Variants in TENM3 observed in about 807,000 individuals in gnomAD.
TENM3 encodes the protein teneurin-3.
TENM3 carries 63 observed loss-of-function variants against 255.1 expected under a neutral mutation model. That is an observed-to-expected ratio of 0.25 (90% CI 0.20 to 0.30). TENM3 has a LOEUF of 0.30. TENM3 is among the 10% of genes least tolerant of loss of function. The probability of loss-of-function intolerance (pLI) is 1.00; values close to 1 mark genes in which losing one functional copy is unlikely to be tolerated. For missense variants in TENM3, 2,929 were observed against 3,461.1 expected, an observed-to-expected ratio of 0.85 and a Z score of 3.86; for synonymous variants, 1,306 against 1,322.3, an observed-to-expected ratio of 0.99 and a Z score of 0.27.
the TENM3 span, chr4:181,976,022 T>C: frequency 6.6e-6 from 1 of 152,252 alleles, no homozygotes; most frequent in African/African-American, 2.4e-5. Flanking sequence ...GTGTTCACAA[T>C]GTCTTCTCTC....
chr4:181,738,794 A>G, the TENM3 span, among the ~76,000 whole-genome samples: 150 of 152,202 alleles, frequency 9.9e-4, no homozygotes, highest in African/African-American at 3.5e-3. Flanking sequence ...AATCTGAACT[A>G]GCTTTTAAAA....
the TENM3 span, among the ~76,000 whole-genome samples, chr4:181,570,997 G>A: frequency 6.6e-6 from 1 of 152,098 alleles, no homozygotes; most frequent in Admixed American, 6.5e-5. Flanking sequence ...GAGCCAACGT[G>A]GCCAGCTGAG....
At chr4:181,972,089 A>C in the TENM3 span, among the ~76,000 whole-genome samples, 1 of 151,894 alleles carries the variant, frequency 6.6e-6, no homozygotes, top group East Asian at 1.9e-4. Flanking sequence ...TACTTTCCAG[A>C]GACTTAGTTG....
chr4:181,998,934 T>C, the TENM3 span, among the ~76,000 whole-genome samples: 4 of 152,198 alleles, frequency 2.6e-5, no homozygotes, highest in East Asian at 7.7e-4. Context: ...TGAACTCCGG[T>C]TTTTTCAGAT....
chr4:182,157,238 T>G (rs1579532900), intron 1 of TENM3, among the ~76,000 whole-genome samples: 1 of 152,164 alleles, frequency 6.6e-6, no homozygotes, highest in African/African-American at 2.4e-5. Context: ...GTAGGAACAC[T>G]TGGCTTATCC....
At chr4:181,922,785 T>C in the TENM3 span, among the ~76,000 whole-genome samples, 1 of 150,370 alleles carries the variant, frequency 6.7e-6, no homozygotes, top group Non-Finnish European at 1.5e-5. Flanking sequence ...AGCTTTTGAA[T>C]GTGTTTGCTC....
At chr4:182,560,072 A>G (rs1374322719) in intron 3 of TENM3, among the ~76,000 whole-genome samples, 1 of 151,670 alleles carries the variant, frequency 6.6e-6, no homozygotes, top group African/African-American at 2.4e-5. Flanking sequence ...ATTAAAAATT[A>G]AAAAAAGGTT....
intron 1 of TENM3, among the ~76,000 whole-genome samples, chr4:182,150,441 A>T (rs1413894609): frequency 6.6e-6 from 1 of 152,042 alleles, no homozygotes; most frequent in Non-Finnish European, 1.5e-5. Context: ...AAATATATGT[A>T]TTTTCAATCC....
chr4:181,696,258 A>C, the TENM3 span, among the ~76,000 whole-genome samples: 1 of 152,188 alleles, frequency 6.6e-6, no homozygotes, highest in African/African-American at 2.4e-5. Context: ...TGTTGCCATT[A>C]GACTTACAGC....
intron 3 of TENM3, among the ~76,000 whole-genome samples, chr4:182,533,635 G>A (rs1739991853): frequency 6.6e-6 from 1 of 151,926 alleles, no homozygotes; most frequent in Non-Finnish European, 1.5e-5. Context: ...GACTCCTGAA[G>A]TACTAGTTTT....
chr4:181,880,895 G>A, the TENM3 span, among the ~76,000 whole-genome samples: 3 of 152,058 alleles, frequency 2.0e-5, no homozygotes, highest in Admixed American at 6.6e-5. Context: ...CCAGCCCCCG[G>A]GGCTCTAATA....
the TENM3 span, among the ~76,000 whole-genome samples, chr4:181,920,500 T>C: frequency 5.0e-4 from 76 of 152,372 alleles, no homozygotes; most frequent in African/African-American, 1.7e-3. Flanking sequence ...GTGAGCATTT[T>C]TTCATGTGTT....
chr4:181,849,949 TCA>T, the TENM3 span, among the ~76,000 whole-genome samples: 449 of 65,962 alleles, frequency 6.8e-3, 1 homozygote, highest in African/African-American at 0.011. Context: ...TCTCTCTCTC[TCA>T]CACACACACA....
At chr4:181,793,309 G>A in the TENM3 span, among the ~76,000 whole-genome samples, 1 of 152,158 alleles carries the variant, frequency 6.6e-6, no homozygotes, top group Admixed American at 6.5e-5. Context: ...TGATTCATGT[G>A]TTCTAATTAT....
At chr4:182,572,117 G>A (rs1299241091) in intron 3 of TENM3, among the ~76,000 whole-genome samples, 1 of 152,116 alleles carries the variant, frequency 6.6e-6, no homozygotes, top group East Asian at 1.9e-4. Flanking sequence ...GGCCAGGCTG[G>A]TCTGGAACTC....
intron 1 of TENM3, among the ~76,000 whole-genome samples, chr4:182,156,162 C>T (rs1750689150): frequency 6.6e-6 from 1 of 151,960 alleles, no homozygotes; most frequent in South Asian, 2.1e-4. Context: ...GTTTTCGAGT[C>T]ATTATGACAG....
chr4:182,412,755 C>A (rs189593762), intron 3 of TENM3, among the ~76,000 whole-genome samples: 1 of 151,540 alleles, frequency 6.6e-6, no homozygotes, highest in Non-Finnish European at 1.5e-5. Flanking sequence ...GTCGCAGCTA[C>A]TCGGGAAGCT....
chr4:181,537,128 A>T, the TENM3 span, among the ~76,000 whole-genome samples: 1 of 152,324 alleles, frequency 6.6e-6, no homozygotes, highest in African/African-American at 2.4e-5. Context: ...CCTTTAAAAA[A>T]AAAGAAAAAT....
chr4:181,889,739 A>G, the TENM3 span, among the ~76,000 whole-genome samples: 19 of 152,282 alleles, frequency 1.2e-4, no homozygotes, highest in African/African-American at 3.8e-4. Context: ...TTCTGGTTGC[A>G]TTTTGGGAAG....
Sources: gnomAD v4.1 joint callset for allele counts (sites outside exome capture counted in the v4.1 genomes callset) on GRCh38, gnomAD v4.1.1 for gene constraint, MANE v1.5 for transcripts, NCBI Gene and HGNC (gene_info 2026-07-23, HGNC 2026-07-21) for gene names.